TBC1D5: variants seen among roughly 807,000 people sequenced by gnomAD.
The protein encoded by TBC1D5 is TBC1 domain family member 5.
TBC1D5 carries 75 observed loss-of-function variants against 100.3 expected under a neutral mutation model. The ratio of observed to expected loss-of-function variants is 0.75; its 90% confidence interval spans 0.62 to 0.91. The LOEUF (loss-of-function observed/expected upper bound fraction) is 0.91. TBC1D5 is among the 40% of genes least tolerant of loss of function. The pLI, the probability that TBC1D5 is intolerant of heterozygous loss-of-function variation, is 0.00. For synonymous variants in TBC1D5, 323 were observed against 325.6 expected, an observed-to-expected ratio of 0.99 and a Z score of 0.09; for missense variants, 910 against 942.4, an observed-to-expected ratio of 0.97 and a Z score of 0.45.
At chr3:17,655,998 C>T (rs2066024868) in intron 1 of TBC1D5, among the ~76,000 whole-genome samples, 2 of 152,156 alleles carry the variant, frequency 1.3e-5, no homozygotes, top group South Asian at 4.1e-4. Context: ...GTTACCGCAA[C>T]CTTAGGACAC....
chr3:17,291,881 C>T lies in TBC1D5; in HGVS notation c.1245+14G>A. ...CCAACTTAAAATTATGCATACCCTA[C>T]TGGGGAAGCTTACCTTTGGATCTCT... On this transcript the variant is annotated intron_variant, in intron 15 of 21. Coordinates refer to ENST00000253692, the Ensembl canonical transcript of TBC1D5. 1.9e-6 allele frequency: 3 copies of T among 1,608,518 alleles called. No homozygotes were observed. Among genetic ancestry groups the T allele is most frequent in the Non-Finnish European group, 2.5e-6 (3 of 1,176,500 alleles).
intron 2 of TBC1D5, among the ~76,000 whole-genome samples, chr3:17,526,704 T>C (rs2096140599): frequency 6.6e-6 from 1 of 152,190 alleles, no homozygotes; most frequent in South Asian, 2.1e-4. Context: ...TAGTAAGCAT[T>C]CAATAAATAT....
At chr3:17,453,118 G>A (rs1310582855) in intron 3 of TBC1D5, among the ~76,000 whole-genome samples, 1 of 146,720 alleles carries the variant, frequency 6.8e-6, no homozygotes, top group Non-Finnish European at 1.5e-5. Flanking sequence ...TGAAACAAAT[G>A]ATAATGGAAA....
rs2092724542 is a variant in TBC1D5, at chr3:17,376,694, T to C, written c.613-81A>G. Reference sequence around the variant, plus strand: ...GACAGTATAAACTCAGTTAAATACTTCTTCAAACCAATTCCCACTAGCAAA... The same window carrying C: ...GACAGTATAAACTCAGTTAAATACTCCTTCAAACCAATTCCCACTAGCAAA... On this transcript the variant is annotated intron_variant, in intron 9 of 21. Coordinates refer to ENST00000253692, the Ensembl canonical transcript of TBC1D5. 16 of 1,176,008 alleles carry C rather than the reference T, an allele frequency of 1.4e-5. No homozygotes were observed. In the South Asian group the frequency reaches 2.8e-4, roughly 21 times the overall value. 72.8% of individuals were successfully genotyped at this position (1,176,008 alleles called of 1,614,324 possible). A position where few individuals can be genotyped will look rare whatever the true frequency, so the allele number is the denominator to read the frequency against.
At chr3:17,449,191 C>T (rs894007216) in intron 3 of TBC1D5, among the ~76,000 whole-genome samples, 8 of 152,178 alleles carry the variant, frequency 5.3e-5, no homozygotes, top group East Asian at 1.9e-4. Context: ...CCATGAGAGA[C>T]GGTGTTATCC....
chr3:17,523,996 A>G (rs931031744), intron 2 of TBC1D5, among the ~76,000 whole-genome samples: 11 of 152,184 alleles, frequency 7.2e-5, no homozygotes, highest in South Asian at 2.1e-4. Context: ...AAGGTTCAGA[A>G]ACACTGACAA....
At chr3:17,305,556 C>T (rs1291956738) in intron 14 of TBC1D5, among the ~76,000 whole-genome samples, 1 of 152,130 alleles carries the variant, frequency 6.6e-6, no homozygotes, top group Non-Finnish European at 1.5e-5. Context: ...AAATCTGTAG[C>T]CTTGACACTG....
exon 22 of TBC1D5, chr3:17,159,732 G>A (rs1218839252): frequency 6.6e-6 from 1 of 152,366 alleles, no homozygotes. Flanking sequence ...GCACTGGCAT[G>A]TCAGACCCGG....
intron 2 of TBC1D5, among the ~76,000 whole-genome samples, chr3:17,580,584 T>C (rs888151185): frequency 1.2e-4 from 18 of 152,300 alleles, no homozygotes; most frequent in African/African-American, 4.1e-4. Context: ...TTTTCCACTC[T>C]TTCTTGCATC....
At chr3:17,665,241 G>T (rs2067131368) in intron 1 of TBC1D5, among the ~76,000 whole-genome samples, 1 of 151,990 alleles carries the variant, frequency 6.6e-6, no homozygotes, top group South Asian at 2.1e-4. Flanking sequence ...CCTAGAAAGG[G>T]GCCTAGTAAG....
In TBC1D5 at chr3:17,668,268, TG is replaced by T. The variant is rs897352539; in HGVS notation, c.-100-44356del. On this transcript the variant is annotated intron_variant, in intron 1 of 21. Coordinates refer to ENST00000253692, the Ensembl canonical transcript of TBC1D5. ...GGAGGAAATAAAAGCACTAGAGGAA[TG>T]GGGGGGTGGCTACAGGGAGGGAAGA... is the stretch of plus-strand genomic sequence containing the variant. 4.0e-5 allele frequency among the ~76,000 whole-genome samples: 6 copies of T among 150,686 alleles called. 1 individual carries two copies. The South Asian group carries it at 8.4e-4, about 21-fold the overall frequency.
intron 8 of TBC1D5, among the ~76,000 whole-genome samples, chr3:17,397,728 G>C (rs1314037100): frequency 6.6e-6 from 1 of 152,014 alleles, no homozygotes; most frequent in Non-Finnish European, 1.5e-5. Context: ...GTAAGAAAAA[G>C]AATAATTAAA....
intron 2 of TBC1D5, among the ~76,000 whole-genome samples, chr3:17,551,129 G>C (rs957373353): frequency 1.3e-5 from 2 of 152,076 alleles, no homozygotes; most frequent in Admixed American, 1.3e-4. Context: ...TACAGCAAAA[G>C]ATTTCCTCCC....
intron 1 of TBC1D5, among the ~76,000 whole-genome samples, chr3:17,711,816 A>T (rs1258571758): frequency 6.6e-6 from 1 of 152,176 alleles, no homozygotes; most frequent in African/African-American, 2.4e-5. Flanking sequence ...TGCTTTTATG[A>T]AGTATTCTTG....
chr3:17,173,246 AG>A (rs1294210710), intron 19 of TBC1D5, among the ~76,000 whole-genome samples: 1 of 152,206 alleles, frequency 6.6e-6, no homozygotes, highest in Non-Finnish European at 1.5e-5. Context: ...CAGATCTTTC[AG>A]ACTCCTGAGC....
chr3:17,276,785 T>G (rs191244142), intron 15 of TBC1D5, among the ~76,000 whole-genome samples: 63 of 152,324 alleles, frequency 4.1e-4, no homozygotes, highest in African/African-American at 1.5e-3. Context: ...AAGGCTCGCG[T>G]GATTAGGTGG....
At chr3:17,241,534 A>G (rs1281802560) in intron 16 of TBC1D5, among the ~76,000 whole-genome samples, 4 of 152,228 alleles carry the variant, frequency 2.6e-5, no homozygotes, top group Non-Finnish European at 4.4e-5. Flanking sequence ...AGTACTGTTT[A>G]GGAGAGATCA....
At chr3:17,237,687 C>T (rs1382285507) in intron 17 of TBC1D5, among the ~76,000 whole-genome samples, 1 of 152,222 alleles carries the variant, frequency 6.6e-6, no homozygotes, top group Non-Finnish European at 1.5e-5. Flanking sequence ...GCTTAAGATT[C>T]TAGTTTGTAT....
intron 2 of TBC1D5, among the ~76,000 whole-genome samples, chr3:17,592,311 G>A (rs774338525): frequency 7.2e-5 from 11 of 152,188 alleles, no homozygotes; most frequent in Non-Finnish European, 1.6e-4. Flanking sequence ...TGGATCCAGC[G>A]AGAAAGAAGT....
Sources: gnomAD v4.1 joint callset for allele counts (sites outside exome capture counted in the v4.1 genomes callset) on GRCh38, gnomAD v4.1.1 for gene constraint, MANE v1.5 for transcripts, NCBI Gene and HGNC (gene_info 2026-07-23, HGNC 2026-07-21) for gene names.